The following LRRC28 variants were observed in gnomAD, a reference collection of about 807,000 sequenced individuals.
LRRC28 encodes leucine-rich repeat-containing protein 28.
In LRRC28, 39 loss-of-function variants were observed where a neutral mutation model predicts 45.7. That is an observed-to-expected ratio of 0.85 (90% CI 0.66 to 1.12). The LOEUF (loss-of-function observed/expected upper bound fraction) is 1.12, where lower values mean the gene tolerates loss of function less well. LRRC28 is among the 50% of genes most tolerant of loss of function. The pLI is 0.00. For missense variants in LRRC28, 435 were observed against 438.5 expected (o/e 0.99, Z 0.07); for synonymous variants, 206 against 178.8 (o/e 1.15, Z -1.22).
At chr15:99,361,207 T>C in intron 7 of LRRC28, 129 bp from the exon 8 acceptor site, 2 of 1,168,096 alleles carry the variant, frequency 1.7e-6, no homozygotes, top group Non-Finnish European at 2.4e-6. Flanking sequence ...TCTGTTCACT[T>C]TGAAAAGAAT....
Position 99,275,290 on chromosome 15 carries a change from C to G in LRRC28, c.169-1286C>G, listed in dbSNP as rs117881517. Among the ~76,000 whole-genome samples the G allele has an allele frequency of 2.6e-3, 390 of 152,338 alleles. 5 individuals carry two copies. The East Asian group carries it at 0.041, about 16-fold the overall frequency. The stretch of plus-strand genomic sequence containing the variant: ...CTTTTCATGGAAAGGCCAGCCCTTT[C>G]AGGGCTCTGACTTCTTCTGGGTAAA... On this transcript the variant is annotated intron_variant, in intron 2 of 9. Transcript: ENST00000301981.
intron 5 of LRRC28, among the ~76,000 whole-genome samples, chr15:99,300,365 A>G (rs1440406427): frequency 2.0e-5 from 3 of 152,046 alleles, no homozygotes. Context: ...ATATAAATGC[A>G]TATTTTTCTG....
chr15:99,368,903 C>T (rs1957408405), intron 9 of LRRC28, among the ~76,000 whole-genome samples: 1 of 152,192 alleles, frequency 6.6e-6, no homozygotes. Flanking sequence ...ATTTTACTCA[C>T]ATCTATAAGC....
chr15:99,266,429 A>G (rs1259048696), intron 2 of LRRC28, among the ~76,000 whole-genome samples: 2 of 152,152 alleles, frequency 1.3e-5, no homozygotes, highest in African/African-American at 4.8e-5. Context: ...ATGTGAGCCC[A>G]GGAGTTTGAG....
At chr15:99,290,332 T>G (rs1255512756) in intron 5 of LRRC28, among the ~76,000 whole-genome samples, 2 of 152,082 alleles carry the variant, frequency 1.3e-5, no homozygotes. Flanking sequence ...TTTTTTATTC[T>G]CATATAATGA....
At position 99,276,587 on chromosome 15, in the gene LRRC28, TG is replaced by T; in HGVS notation, c.181del (p.Ala61LeufsTer17). On this transcript the variant is annotated frameshift_variant, in exon 3 of 10. Transcript: ENST00000301981. LOFTEE classifies it high-confidence loss of function. ...TTTTTAATTTTCAGCCAGAAAACCT[TG>T]CTCAGAAGCTTCCAAACCTTGTGGA... ...NSLTSLPENL[A>X]QKLPNLVELY... The T allele has an allele frequency of 6.5e-7, 1 of 1,530,124 alleles. No homozygotes were observed. The highest frequency in any genetic ancestry group is 8.7e-7 in the Non-Finnish European group (1 of 1,146,808). 94.8% of individuals were successfully genotyped at this position (1,530,124 alleles called of 1,614,324 possible). A position where few individuals can be genotyped will look rare whatever the true frequency, so the allele number is the denominator to read the frequency against.
intron 2 of LRRC28, among the ~76,000 whole-genome samples, chr15:99,275,018 T>G (rs188867970): frequency 6.6e-6 from 1 of 152,266 alleles, no homozygotes; most frequent in Non-Finnish European, 1.5e-5. Flanking sequence ...AAAAAAAAAT[T>G]AGTTTTGACT....
intron 9 of LRRC28, among the ~76,000 whole-genome samples, chr15:99,372,204 T>G (rs529329119): frequency 1.1e-4 from 17 of 152,340 alleles, no homozygotes; most frequent in African/African-American, 3.6e-4. Flanking sequence ...TCTTATGATT[T>G]TTGTGGGCTC....
At chr15:99,301,096 T>C (rs1954953231) in intron 5 of LRRC28, among the ~76,000 whole-genome samples, 1 of 152,214 alleles carries the variant, frequency 6.6e-6, no homozygotes, top group African/African-American at 2.4e-5. Flanking sequence ...TGTTCAGAGA[T>C]AAATTTCTGT....
intron 5 of LRRC28, among the ~76,000 whole-genome samples, chr15:99,316,855 G>C (rs1191539394): frequency 6.6e-6 from 1 of 152,142 alleles, no homozygotes; most frequent in African/African-American, 2.4e-5. Flanking sequence ...GTTTTTTAAA[G>C]ATGAAGTCTT....
intron 3 of LRRC28, among the ~76,000 whole-genome samples, chr15:99,283,827 A>G (rs1326432365): frequency 6.6e-6 from 1 of 152,210 alleles, no homozygotes; most frequent in Middle Eastern, 3.2e-3. Flanking sequence ...TTTTATTTTA[A>G]TAAGAACATT....
intron 9 of LRRC28, among the ~76,000 whole-genome samples, chr15:99,370,104 C>T (rs1957442747): frequency 6.6e-6 from 1 of 152,150 alleles, no homozygotes; most frequent in African/African-American, 2.4e-5. Context: ...ACAGGGCAAA[C>T]AGGTACAGGA....
chr15:99,315,768 A>G (rs971414683), intron 5 of LRRC28, among the ~76,000 whole-genome samples: 12 of 152,194 alleles, frequency 7.9e-5, no homozygotes, highest in African/African-American at 2.9e-4. Context: ...AAGGTATCAG[A>G]AATACCATCT....
At chr15:99,347,153 C>G (rs1555572213) in intron 6 of LRRC28, among the ~76,000 whole-genome samples, 1 of 151,938 alleles carries the variant, frequency 6.6e-6, no homozygotes, top group Non-Finnish European at 1.5e-5. Context: ...TCCATCCTTA[C>G]CTTCTTCCCA....
chr15:99,327,992 G>T (rs1484810452), intron 5 of LRRC28, among the ~76,000 whole-genome samples: 2 of 152,094 alleles, frequency 1.3e-5, no homozygotes, highest in Admixed American at 1.3e-4. Flanking sequence ...GAAGTGTGTT[G>T]TTTAATTTCC....
chr15:99,342,883 C>T (rs752620087), intron 6 of LRRC28, among the ~76,000 whole-genome samples: 2 of 152,250 alleles, frequency 1.3e-5, no homozygotes, highest in East Asian at 1.9e-4. Flanking sequence ...AAGACAGTGA[C>T]TTTGTAAGAG....
rs2081087159 is a variant in LRRC28, at chr15:99,258,311, T to G, written c.168+2186T>G. 5 of 1,510,154 alleles carry G rather than the reference T, an allele frequency of 3.3e-6. No individual in the cohort carries two copies. The African/African-American group carries it at 5.5e-5, about 17-fold the overall frequency. 93.5% of individuals were successfully genotyped at this position (1,510,154 alleles called of 1,614,324 possible). A position where few individuals can be genotyped will look rare whatever the true frequency, so the allele number is the denominator to read the frequency against. ...CTGGGAGTCTGAATCCAATGAATAT[T>G]CTGTAATTGCTGACCCAAGAGGAAA... On this transcript the variant is annotated intron_variant, in intron 2 of 9. Coordinates refer to ENST00000301981, the MANE Select transcript of LRRC28 (RefSeq NM_144598.5).
chr15:99,313,141 A>G (rs1022868366), intron 5 of LRRC28, among the ~76,000 whole-genome samples: 2 of 152,192 alleles, frequency 1.3e-5, no homozygotes, highest in Non-Finnish European at 2.9e-5. Flanking sequence ...AGCTATTTTA[A>G]TAACAGACAC....
intron 3 of LRRC28, among the ~76,000 whole-genome samples, chr15:99,283,175 G>A (rs1191598695): frequency 1.3e-5 from 2 of 151,988 alleles, no homozygotes; most frequent in Non-Finnish European, 2.9e-5. Flanking sequence ...TTACAGGCGT[G>A]AGCCACCACA....
Sources: allele counts gnomAD v4.1 joint callset (sites outside exome capture counted in the v4.1 genomes callset), GRCh38; gene constraint gnomAD v4.1.1; transcripts MANE v1.5; gene names NCBI Gene and HGNC (gene_info 2026-07-23, HGNC 2026-07-21).